Variants in ZW10 observed in about 807,000 individuals in gnomAD.
ZW10 encodes zw10 kinetochore protein.
ZW10 carries 53 observed loss-of-function variants against 87.8 expected under a neutral mutation model. The observed-to-expected ratio is 0.60, with a 90% CI of 0.48 to 0.76. ZW10 has a LOEUF of 0.76. ZW10 is among the 30% of genes least tolerant of loss of function. ZW10 has a pLI of 0.00. For missense variants in ZW10, 837 were observed against 923.0 expected (o/e 0.91, Z 1.21); for synonymous variants, 312 against 329.2 (o/e 0.95, Z 0.57).
chr11:113,738,239 T>G, intron 13 of ZW10, 25 bp downstream of exon 13: 1 of 1,563,940 alleles, frequency 6.4e-7, no homozygotes, highest in Non-Finnish European at 8.6e-7. Context: ...GAATACAAAT[T>G]TCAGTGCTAG....
chr11:113,747,854 A>G, intron 8 of ZW10, 141 bp from the exon 9 acceptor site: 1 of 564,388 alleles, frequency 1.8e-6, no homozygotes, highest in Non-Finnish European at 2.9e-6. Flanking sequence ...GTATAAAAAT[A>G]TACATATTTC....
intron 2 of ZW10, among the ~76,000 whole-genome samples, chr11:113,768,516 TA>T (rs1953930012): frequency 6.6e-6 from 1 of 152,244 alleles, no homozygotes; most frequent in Non-Finnish European, 1.5e-5. Flanking sequence ...ACTCTGGGGA[TA>T]TTTTTTGAAC....
intron 9 of ZW10, among the ~76,000 whole-genome samples, chr11:113,745,398 T>C (rs1482087641): frequency 6.6e-6 from 1 of 152,086 alleles, no homozygotes; most frequent in Non-Finnish European, 1.5e-5. Flanking sequence ...CGACAGAGAT[T>C]TTCTGGCAGA....
At position 113,734,185 on chromosome 11, in the gene ZW10, A is replaced by G. The variant is rs183043300; in HGVS notation, c.2220-371T>C. On this transcript the variant is annotated intron_variant, in intron 15 of 15. Transcript: ENST00000200135. ...TAACTGATGAAGGACTAGTACAAAA[A>G]TATATAAAGAAGTCCCATGAATCAA... is the stretch of plus-strand genomic sequence containing the variant. Among the ~76,000 whole-genome samples the G allele has an allele frequency of 5.4e-3, 827 of 152,366 alleles. 7 individuals are homozygous for G. Among genetic ancestry groups the G allele is most frequent in the Admixed American group, 0.012 (190 of 15,304 alleles).
Position 113,738,235 on chromosome 11 carries a change from A to C in ZW10, c.1884+29T>G, listed in dbSNP as rs774616821. On this transcript the variant is annotated intron_variant, in intron 13 of 15. Transcript: ENST00000200135. The stretch of plus-strand genomic sequence containing the variant: ...AAAAAGGCATCTAAGGATAGAATAC[A>C]AATTTCAGTGCTAGCAAGAGCCTCC... 15 of 1,561,748 alleles carry C rather than the reference A, an allele frequency of 9.6e-6. No homozygotes were observed. The South Asian group carries it at 1.8e-4, about 19-fold the overall frequency.
chr11:113,758,851 A>G, intron 5 of ZW10, 145 bp from the exon 6 acceptor site: 1 of 782,262 alleles, frequency 1.3e-6, no homozygotes, highest in South Asian at 1.9e-5. Flanking sequence ...TATGACATAC[A>G]TGTCCTTGGC....
intron 8 of ZW10, 47 bp from the exon 9 acceptor site, chr11:113,747,760 C>T (rs1224201173): frequency 1.4e-6 from 2 of 1,410,346 alleles, no homozygotes; most frequent in East Asian, 2.3e-5. Context: ...ACATATATTC[C>T]ATTACAATAT....
intron 9 of ZW10, among the ~76,000 whole-genome samples, chr11:113,746,720 C>T (rs1953681954): frequency 1.3e-5 from 2 of 152,176 alleles, no homozygotes; most frequent in Admixed American, 6.5e-5. Flanking sequence ...TAAGAATATT[C>T]CATGCAGAGG....
intron 9 of ZW10, among the ~76,000 whole-genome samples, chr11:113,745,711 G>C (rs1316317345): frequency 6.6e-6 from 1 of 152,164 alleles, no homozygotes. Context: ...GTTAGACCTA[G>C]TAAGATGTCT....
chr11:113,733,627 T>C lies in ZW10; in HGVS notation c.*67A>G. 1.9e-6 allele frequency: 3 copies of C among 1,606,832 alleles called. No individual in the cohort carries two copies. The highest frequency in any genetic ancestry group is 2.5e-6 in the Non-Finnish European group (3 of 1,177,056). ...CCAATGGGCGATTCAAAGAAGTCTT[T>C]AAGGGAGTAATTATGCCAAGGGAAG... On this transcript the variant is annotated 3_prime_UTR_variant, in exon 16 of 16. Transcript: ENST00000200135.
At chr11:113,766,074 C>T (rs1953904264) in intron 2 of ZW10, among the ~76,000 whole-genome samples, 1 of 152,184 alleles carries the variant, frequency 6.6e-6, no homozygotes, top group African/African-American at 2.4e-5. Flanking sequence ...ACGTCTTCTA[C>T]AAATCCATGA....
chr11:113,747,741 G>T lies in ZW10; in HGVS notation c.1090-28C>A, dbSNP rs754584626. 12 of 1,535,386 alleles carry T rather than the reference G, an allele frequency of 7.8e-6. No individual in the cohort carries two copies. The East Asian group carries it at 2.7e-4, about 35-fold the overall frequency. On this transcript the variant is annotated intron_variant, in intron 8 of 15. Coordinates refer to ENST00000200135, the MANE Select transcript of ZW10 (RefSeq NM_004724.4). Reference sequence around the variant, plus strand: ...GAGATACAAAAGAAAAAAAAGAAAAGAATCATTTACATATATTCCATTACA... The same window carrying T: ...GAGATACAAAAGAAAAAAAAGAAAATAATCATTTACATATATTCCATTACA...
chr11:113,742,397 A>G (rs1281594777), intron 10 of ZW10, among the ~76,000 whole-genome samples: 5 of 152,246 alleles, frequency 3.3e-5, no homozygotes, highest in African/African-American at 9.6e-5. Flanking sequence ...TTAAAAGCTT[A>G]CAGGGATTTC....
chr11:113,764,738 A>G (rs1440704947), intron 2 of ZW10, among the ~76,000 whole-genome samples: 2 of 152,192 alleles, frequency 1.3e-5, no homozygotes, highest in Non-Finnish European at 2.9e-5. Flanking sequence ...ACACTTGTAT[A>G]TGTGGTCTGT....
At chr11:113,741,799 T>C (rs767472632) in intron 10 of ZW10, 34 bp from the exon 11 acceptor site, 28 of 1,490,706 alleles carry the variant, frequency 1.9e-5, no homozygotes, top group Non-Finnish European at 2.5e-5. Context: ...CAGAAATGCC[T>C]AAGAATACAC....
At chr11:113,747,789 G>T in intron 8 of ZW10, 76 bp from the exon 9 acceptor site, 1 of 1,280,980 alleles carries the variant, frequency 7.8e-7, no homozygotes. Context: ...CAAATCCAAT[G>T]TATAAAAAAA....
chr11:113,768,739 G>A (rs988670681), intron 2 of ZW10, 94 bp downstream of exon 2: 58 of 1,312,698 alleles, frequency 4.4e-5, no homozygotes, highest in Non-Finnish European at 5.9e-5. Flanking sequence ...GAAAAGTGAG[G>A]GTTTAAAAAG....
intron 10 of ZW10, among the ~76,000 whole-genome samples, chr11:113,743,081 T>C (rs537533828): frequency 1.3e-5 from 2 of 152,096 alleles, no homozygotes; most frequent in Admixed American, 6.5e-5. Flanking sequence ...AGTCTAGGAG[T>C]AGGGAAGAAG....
At chr11:113,765,786 G>C (rs922876638) in intron 2 of ZW10, among the ~76,000 whole-genome samples, 1 of 152,164 alleles carries the variant, frequency 6.6e-6, no homozygotes, top group Non-Finnish European at 1.5e-5. Context: ...GGCAATTACT[G>C]TCTTTAGTTC....
Sources: gnomAD v4.1 joint callset for allele counts (sites outside exome capture counted in the v4.1 genomes callset) on GRCh38, gnomAD v4.1.1 for gene constraint, MANE v1.5 for transcripts, NCBI Gene and HGNC (gene_info 2026-07-23, HGNC 2026-07-21) for gene names.